MIER3: variants seen among roughly 807,000 people sequenced by gnomAD.
The protein encoded by MIER3 is mesoderm induction early response protein 3.
MIER3 carries 9 observed loss-of-function variants against 63.2 expected under a neutral mutation model. The observed-to-expected ratio is 0.14, with a 90% CI of 0.09 to 0.25. The LOEUF (loss-of-function observed/expected upper bound fraction) is 0.25. MIER3 is among the 10% of genes least tolerant of loss of function. The pLI is 1.00. For missense variants in MIER3, 512 were observed against 666.2 expected (o/e 0.77, Z 2.55); for synonymous variants, 205 against 224.9 (o/e 0.91, Z 0.79).
chr5:56,946,899 G>T, intron 3 of MIER3, 27 bp downstream of exon 3: 2 of 1,423,612 alleles, frequency 1.4e-6, no homozygotes, highest in South Asian at 2.9e-5. Flanking sequence ...TCTTTGTTAA[G>T]TTTGTATATT....
chr5:56,928,713 T>C lies in MIER3; in HGVS notation c.924+54A>G, dbSNP rs1579840840. ...CCTACTTAAGTGACTTATAAATTAG[T>C]TGCTTACATTCACTGTAACTAGTAA... is the stretch of plus-strand genomic sequence containing the variant. On this transcript the variant is annotated intron_variant, in intron 10 of 12. Coordinates refer to ENST00000381199, the MANE Select transcript of MIER3 (RefSeq NM_001297599.2). 9 of 1,251,760 alleles carry C rather than the reference T, an allele frequency of 7.2e-6. No homozygotes were observed. The East Asian group carries it at 2.1e-4, about 29-fold the overall frequency. The allele number at this position is 1,251,760 out of a possible 1,614,324, so 77.5% of individuals were successfully genotyped here.
intron 7 of MIER3, among the ~76,000 whole-genome samples, chr5:56,935,175 G>A (rs534299128): frequency 2.6e-4 from 40 of 152,208 alleles, no homozygotes; most frequent in Non-Finnish European, 2.8e-4. Flanking sequence ...CCCATTATTC[G>A]AACAGGCACT....
At chr5:56,923,625 T>G (rs538633174) in intron 12 of MIER3, 40 bp from the exon 13 acceptor site, 1 of 1,612,868 alleles carries the variant, frequency 6.2e-7, no homozygotes, top group East Asian at 2.2e-5. Context: ...AGTGGTCCTA[T>G]GACATCAAAC....
intron 9 of MIER3, 39 bp from the exon 10 acceptor site, chr5:56,928,900 A>C: frequency 6.8e-7 from 1 of 1,467,658 alleles, no homozygotes; most frequent in Non-Finnish European, 9.5e-7. Flanking sequence ...GGGCCCCCAA[A>C]TTTTCTTATG....
intron 3 of MIER3, among the ~76,000 whole-genome samples, chr5:56,944,197 C>CG (rs1718851362): frequency 6.6e-6 from 1 of 152,064 alleles, no homozygotes; most frequent in Non-Finnish European, 1.5e-5. Context: ...GTAGGCTGGG[C>CG]GCGGTGGCTC....
Position 56,933,344 on chromosome 5 carries a change from T to C in MIER3, c.650A>G (p.Lys217Arg). 2 of 1,613,298 alleles carry C rather than the reference T, an allele frequency of 1.2e-6. No individual in the cohort carries two copies. The highest frequency in any genetic ancestry group is 1.7e-6 in the Non-Finnish European group (2 of 1,179,646). ...AGTCTCAACAAGGTATTCCTTAACT[T>C]TGCTCTCCAAAACCACATCAGGACA... ...LWCPDVVLESKVKEYLVETSL... is the reference protein window; with the variant it reads ...LWCPDVVLESRVKEYLVETSL... Residue 217 changes from lysine (K) to arginine (R), a missense_variant, in exon 8 of 13, where the codon AAA becomes AGA. Physicochemically the swap from Lys to Arg is conservative, Grantham distance 26. Transcript: ENST00000381199.
At chr5:56,944,209 C>T (rs1027553332) in intron 3 of MIER3, among the ~76,000 whole-genome samples, 47 of 152,166 alleles carry the variant, frequency 3.1e-4, no homozygotes, top group African/African-American at 1.0e-3. Flanking sequence ...CGGTGGCTCA[C>T]GCCTGTAATC....
At chr5:56,933,179 GT>G in intron 8 of MIER3, 67 bp downstream of exon 8, 1 of 1,418,220 alleles carries the variant, frequency 7.1e-7, no homozygotes, top group Non-Finnish European at 9.3e-7. Flanking sequence ...AAAAATATCT[GT>G]ATCAAATATA....
rs544481346 is a variant in MIER3, at chr5:56,921,698, C to A, written c.*1430G>T. 1 of 152,732 alleles carries A rather than the reference C, an allele frequency of 6.5e-6. No individual in the cohort carries two copies. The highest frequency in any genetic ancestry group is 2.1e-4 in the South Asian group (1 of 4,830). The allele number at this position is 152,732 out of a possible 1,614,324, so 9.5% of individuals were successfully genotyped here. A position where few individuals can be genotyped will look rare whatever the true frequency, so the allele number is the denominator to read the frequency against. On this transcript the variant is annotated 3_prime_UTR_variant, in exon 13 of 13. Transcript: ENST00000381199. The stretch of plus-strand genomic sequence containing the variant: ...ACAACCTTGAAGCAACTTATACTTA[C>A]AAATATTAGCAATGCAGCCAAACAT...
chr5:56,939,495 A>C (rs959807308), intron 3 of MIER3, among the ~76,000 whole-genome samples: 16 of 152,226 alleles, frequency 1.1e-4, no homozygotes, highest in Non-Finnish European at 8.8e-5. Flanking sequence ...TTTATGTTCA[A>C]AGAACAATTA....
At chr5:56,924,631 C>T (rs1365806392) in intron 10 of MIER3, among the ~76,000 whole-genome samples, 2 of 152,174 alleles carry the variant, frequency 1.3e-5, no homozygotes, top group African/African-American at 4.8e-5. Flanking sequence ...TTTCTCCCTC[C>T]AGTATGTTTG....
intron 2 of MIER3, among the ~76,000 whole-genome samples, chr5:56,948,161 A>C (rs1750891178): frequency 6.6e-6 from 1 of 152,222 alleles, no homozygotes; most frequent in South Asian, 2.1e-4. Flanking sequence ...TTACCAAAAC[A>C]CTGAACTGGG....
At chr5:56,945,066 AT>A (rs750682718) in intron 3 of MIER3, among the ~76,000 whole-genome samples, 2 of 152,146 alleles carry the variant, frequency 1.3e-5, no homozygotes, top group African/African-American at 2.4e-5. Flanking sequence ...AAAAAGTGAT[AT>A]TTTACTTTCT....
intron 10 of MIER3, chr5:56,927,972 G>A (rs1750077879): frequency 6.7e-6 from 1 of 149,512 alleles, no homozygotes; most frequent in Non-Finnish European, 1.5e-5. Flanking sequence ...CTACAGTATA[G>A]AGTCTTTTCA....
intron 3 of MIER3, among the ~76,000 whole-genome samples, chr5:56,946,139 AGAG>A (rs1750817354): frequency 6.6e-6 from 1 of 152,230 alleles, no homozygotes; most frequent in Admixed American, 6.5e-5. Flanking sequence ...GCTACTAAGC[AGAG>A]GAGATGATAT....
In MIER3 at chr5:56,939,875, T is replaced by G. The variant is rs567619032; in HGVS notation, c.181-858A>C. Among the ~76,000 whole-genome samples the G allele has an allele frequency of 5.3e-5, 8 of 152,354 alleles. No individual in the cohort carries two copies. The South Asian group carries it at 1.7e-3, about 32-fold the overall frequency. On this transcript the variant is annotated intron_variant, in intron 3 of 12. Transcript: ENST00000381199. ...GTGGTAGGAATAATATGCTACACCA[T>G]ATAGCCTAGGTGTGTAGTAGGCTAC... is the stretch of plus-strand genomic sequence containing the variant.
chr5:56,931,007 AAAAC>A (rs1750247221), intron 8 of MIER3, among the ~76,000 whole-genome samples: 3 of 152,132 alleles, frequency 2.0e-5, no homozygotes, highest in South Asian at 2.1e-4. Flanking sequence ...CTTTTTTTTA[AAAAC>A]AAACAAATAA....
chr5:56,932,668 T>C (rs76869724), intron 8 of MIER3, among the ~76,000 whole-genome samples: 11,956 of 152,240 alleles, frequency 0.079, 511 homozygotes, highest in East Asian at 0.14. Context: ...ATCCCACATG[T>C]GATCAGGAGA....
At chr5:56,950,743 G>A in intron 1 of MIER3, 91 bp from the exon 2 acceptor site, 4 of 1,436,032 alleles carry the variant, frequency 2.8e-6, no homozygotes, top group Non-Finnish European at 3.9e-6. Flanking sequence ...GCGGAGTCGA[G>A]CGCTCCTCCG....
Sources: gnomAD v4.1 joint callset for allele counts (sites outside exome capture counted in the v4.1 genomes callset) on GRCh38, gnomAD v4.1.1 for gene constraint, MANE v1.5 for transcripts, NCBI Gene and HGNC (gene_info 2026-07-23, HGNC 2026-07-21) for gene names.